The following CP variants were observed in gnomAD, a reference collection of about 807,000 sequenced individuals.
CP encodes the protein ceruloplasmin.
CP carries 64 observed loss-of-function variants against 122.4 expected under a neutral mutation model. The observed-to-expected ratio is 0.52, with a 90% CI of 0.43 to 0.64. The LOEUF is 0.64. Ranked by LOEUF, CP falls within the 30% of genes least tolerant of loss-of-function variation. CP has a pLI of 0.00. For synonymous variants in CP, 440 were observed against 436.4 expected, an observed-to-expected ratio of 1.01 and a Z score of -0.10; for missense variants, 1,167 against 1,284.4, an observed-to-expected ratio of 0.91 and a Z score of 1.40.
Position 149,213,831 on chromosome 3 carries a change from C to T in CP, c.147-1133G>A, listed in dbSNP as rs971913990. Among the ~76,000 whole-genome samples the T allele has an allele frequency of 4.6e-5, 7 of 152,308 alleles. 1 individual carries two copies. Among genetic ancestry groups the T allele is most frequent in the Admixed American group, 1.3e-4 (2 of 15,306 alleles). ...ATATTTTTCTTTCCCTTCTTTAAGA[C>T]AAGAGCAGAGCTTGTGTGAGAGCTC... On this transcript the variant is annotated intron_variant, in intron 1 of 18. Coordinates refer to ENST00000264613, the MANE Select transcript of CP (RefSeq NM_000096.4).
Position 149,209,363 on chromosome 3 carries a change from T to A in CP, c.629A>T (p.Glu210Val). ...CACAAATTCTCGGTCAATATGTTTTTCTTTTTCTTTATCTAGAGAATCTGG... is the reference window on the plus strand; with the variant it reads ...CACAAATTCTCGGTCAATATGTTTTACTTTTTCTTTATCTAGAGAATCTGG... ...CKKDSLDKEK[E>V]KHIDREFVVM... Residue 210 changes from glutamate to valine, a missense_variant, in exon 4 of 19, where the codon GAA (glutamate) becomes GTA (valine). By Grantham distance (121) the Glu-to-Val change is moderately radical. Transcript: ENST00000264613. 6 of 1,613,630 alleles carry A rather than the reference T, an allele frequency of 3.7e-6. No individual in the cohort carries two copies. Among genetic ancestry groups the A allele is most frequent in the Non-Finnish European group, 5.1e-6 (6 of 1,179,692 alleles).
Position 149,198,491 on chromosome 3 carries a change from G to A in CP, c.1589C>T (p.Ala530Val), listed in dbSNP as rs1421549949. The A allele has an allele frequency of 1.2e-6, 2 of 1,613,966 alleles. No homozygotes were observed. Among genetic ancestry groups the A allele is most frequent in the Admixed American group, 1.7e-5 (1 of 60,016 alleles). ...CATCTTAGCTAGACACACAGGATCT[G>A]CATTAGTGGGTCCTACTTCTTTGGG... The part of the protein sequence containing the change: ...TVPKEVGPTN[A>V]DPVCLAKMYY... The change falls in exon 9 of 19, where the codon GCA becomes GTA. Residue 530 changes from alanine to valine, a missense_variant. Ala to Val is a moderately conservative substitution (Grantham distance 64, BLOSUM62 0). Around this residue, in one of 2 missense-constraint regions of CP, gnomAD observed 525 missense variants for 657.2 expected, o/e 0.80. Coordinates refer to ENST00000264613, the MANE Select transcript of CP (RefSeq NM_000096.4).
rs761940913 is a variant in CP, at chr3:149,183,557, C to G, written c.2334G>C (p.Lys778Asn). 1.9e-6 allele frequency: 3 copies of G among 1,607,652 alleles called. No individual in the cohort carries two copies. In the South Asian group the frequency reaches 3.3e-5, roughly 18 times the overall value. ...LDKGEFYIGSKYKKVVYRQYT... is the reference protein window; with the variant it reads ...LDKGEFYIGSNYKKVVYRQYT... ...ACTGCCGATACACAACTTTCTTGTA[C>G]TTTGAGCCTATGTAAAACTCTCCCT... Residue 778 changes from lysine (K) to asparagine (N), a missense_variant, in exon 13 of 19, where the codon AAG becomes AAC. Physicochemically the swap from Lys to Asn is moderately conservative, Grantham distance 94. Transcript: ENST00000264613.
intron 4 of CP, among the ~76,000 whole-genome samples, chr3:149,208,094 C>CT (rs1202275744): frequency 5.3e-5 from 8 of 151,464 alleles, no homozygotes; most frequent in East Asian, 1.9e-4. Flanking sequence ...ATAAGAATAG[C>CT]TTTTTTTTAA....
At chr3:149,212,364 C>T in intron 2 of CP, 87 bp downstream of exon 2, 1 of 1,449,974 alleles carries the variant, frequency 6.9e-7, no homozygotes, top group Non-Finnish European at 9.6e-7. Flanking sequence ...TATGTCTTAT[C>T]CAGGAGAGAA....
chr3:149,203,776 G>A (rs766401979), intron 6 of CP, among the ~76,000 whole-genome samples: 2 of 152,166 alleles, frequency 1.3e-5, no homozygotes, highest in Non-Finnish European at 2.9e-5. Context: ...TTAACCATAA[G>A]CAAGGTGGAC....
intron 14 of CP, 192 bp from the exon 15 acceptor site, chr3:149,179,854 G>T: frequency 1.8e-6 from 1 of 554,078 alleles, no homozygotes; most frequent in Non-Finnish European, 3.2e-6. Flanking sequence ...AAGATGAACT[G>T]GAAGACAAAA....
At position 149,199,800 on chromosome 3, in the gene CP, A is replaced by C; in HGVS notation, c.1413T>G (p.Tyr471Ter). 3 of 1,614,118 alleles carry C rather than the reference A, an allele frequency of 1.9e-6. No homozygotes were observed. Among genetic ancestry groups the C allele is most frequent in the South Asian group, 1.1e-5 (1 of 91,082 alleles). Residue 471 changes from tyrosine (Y) to a stop codon, truncating the protein, a stop_gained, in exon 8 of 19, where the codon TAT becomes TAG. Coordinates refer to ENST00000264613, the MANE Select transcript of CP (RefSeq NM_000096.4). LOFTEE classifies it high-confidence loss of function. ...CCCCAATCGGCTCAATACTGAGGGGATATGCTCCTTTGTTATGGAAGGTTA... is the reference window on the plus strand; with the variant it reads ...CCCCAATCGGCTCAATACTGAGGGGCTATGCTCCTTTGTTATGGAAGGTTA... ...IRVTFHNKGA[Y>*]PLSIEPIGVR... is the part of the protein sequence containing the mutation.
intron 18 of CP, among the ~76,000 whole-genome samples, chr3:149,175,367 TTGTG>T (rs1358687924): frequency 3.3e-5 from 5 of 152,174 alleles, no homozygotes; most frequent in Non-Finnish European, 7.4e-5. Context: ...TGTAAGTTGT[TTGTG>T]TAAGACCCAG....
At position 149,186,536 on chromosome 3, in the gene CP, C is replaced by T. The variant is rs377424276; in HGVS notation, c.2061G>A (p.Met687Ile). ...LFPQTSLTLH[M>I]WPDTEGTFNV... is the part of the protein sequence containing the mutation. ...TAAATATACCCTCTGTGTCAGGCCA[C>T]ATGTGGAGCGTAAGACTTGTTTGAG... The change falls in exon 11 of 19, where the codon ATG becomes ATA. Residue 687 changes from methionine (M) to isoleucine (I), a missense_variant. Transcript: ENST00000264613. 6.2e-7 allele frequency: 1 copy of T among 1,614,156 alleles called. No individual in the cohort carries two copies. Among genetic ancestry groups the T allele is most frequent in the Non-Finnish European group, 8.5e-7 (1 of 1,180,006 alleles).
At position 149,207,504 on chromosome 3, in the gene CP, A is replaced by T; in HGVS notation, c.895T>A (p.Phe299Ile). 1 of 1,614,042 alleles carries T rather than the reference A, an allele frequency of 6.2e-7. No homozygotes were observed. The highest frequency in any genetic ancestry group is 8.5e-7 in the Non-Finnish European group (1 of 1,179,888). ...TTGTTAGTCAGTGCTTGCCCGTGAA[A>T]GAAAGCTGCGTGCACATCAACTTCA... ...GNEVDVHAAF[F>I]HGQALTNKNY... is the part of the protein sequence containing the mutation. The change falls in exon 5 of 19, where the codon TTT becomes ATT. Residue 299 changes from phenylalanine to isoleucine, a missense_variant. Physicochemically the swap from Phe to Ile is conservative, Grantham distance 21. Around this residue, in one of 2 missense-constraint regions of CP, gnomAD observed 642 missense variants for 627.3 expected, o/e 1.02. Coordinates refer to ENST00000264613, the MANE Select transcript of CP (RefSeq NM_000096.4).
At chr3:149,175,558 T>C (rs996114813) in intron 18 of CP, among the ~76,000 whole-genome samples, 5 of 152,122 alleles carry the variant, frequency 3.3e-5, no homozygotes, top group African/African-American at 1.2e-4. Context: ...GAATTTACCA[T>C]TTCTAATTAC....
intron 4 of CP, 84 bp from the exon 5 acceptor site, chr3:149,207,701 T>C: frequency 6.9e-7 from 1 of 1,456,718 alleles, no homozygotes; most frequent in East Asian, 2.3e-5. Flanking sequence ...TAGAATCAAT[T>C]TGGAATGGCA....
chr3:149,172,153 A>G (rs1209045557), downstream of CP: 4 of 1,612,870 alleles, frequency 2.5e-6, no homozygotes, highest in Non-Finnish European at 3.4e-6. Context: ...ATGTTCTCCC[A>G]GAAGATGGTA....
chr3:149,191,881 G>C (rs1233969608), intron 9 of CP, among the ~76,000 whole-genome samples: 1 of 151,946 alleles, frequency 6.6e-6, no homozygotes, highest in African/African-American at 2.4e-5. Flanking sequence ...ATATGAAAAA[G>C]ACTATAAGAA....
rs144679807 is a variant in CP at position 149,180,177 on chromosome 3, C to T, written c.2555-515G>A. 4.0e-4 allele frequency: 67 copies of T among 166,692 alleles called. No homozygotes were observed. The East Asian group carries it at 9.1e-3, about 23-fold the overall frequency. The allele number at this position is 166,692 out of a possible 1,614,324, so 10.3% of individuals were successfully genotyped here. ...TCCTTAGTGAGCTCATGATTCCTGG[C>T]GAGGAGCCGTTAGACCTCTTGATCT... On this transcript the variant is annotated intron_variant, in intron 14 of 18. Coordinates refer to ENST00000264613, the MANE Select transcript of CP (RefSeq NM_000096.4).
chr3:149,216,643 AG>A (rs1186495361), intron 1 of CP, among the ~76,000 whole-genome samples: 1 of 152,220 alleles, frequency 6.6e-6, no homozygotes, highest in Non-Finnish European at 1.5e-5. Context: ...AACTGCTGCA[AG>A]AATATGGCAG....
At position 149,196,596 on chromosome 3, in the gene CP, A is replaced by G. The variant is rs1371065889; in HGVS notation, c.1713+1771T>C. 2.6e-5 allele frequency among the ~76,000 whole-genome samples: 4 copies of G among 152,358 alleles called. No homozygotes were observed. The East Asian group carries it at 5.8e-4, about 22-fold the overall frequency. ...AAGCAAAGAATCTTCAAAGACTACTATGATGTAAAAATAAAGGAGTCAACC... is the reference window on the plus strand; with the variant it reads ...AAGCAAAGAATCTTCAAAGACTACTGTGATGTAAAAATAAAGGAGTCAACC... On this transcript the variant is annotated intron_variant, in intron 9 of 18. Coordinates refer to ENST00000264613, the MANE Select transcript of CP (RefSeq NM_000096.4).
intron 9 of CP, among the ~76,000 whole-genome samples, chr3:149,195,767 G>C (rs1726860094): frequency 6.6e-6 from 1 of 151,922 alleles, no homozygotes; most frequent in African/African-American, 2.4e-5. Flanking sequence ...TCAGGAGGCT[G>C]AGGCAGAAGA....
Sources: gnomAD v4.1 joint callset for allele counts (sites outside exome capture counted in the v4.1 genomes callset) on GRCh38, gnomAD v4.1.1 for gene constraint, gnomAD v4.1.1 regional missense constraint, MANE v1.5 for transcripts, NCBI Gene and HGNC (gene_info 2026-07-23, HGNC 2026-07-21) for gene names.